The following WDR36 variants were observed in gnomAD, a reference collection of about 807,000 sequenced individuals.
The protein encoded by WDR36 is WD repeat domain 36, also known as WD repeat-containing protein 36.
In WDR36, 63 loss-of-function variants were observed where a neutral mutation model predicts 112.7. That is an observed-to-expected ratio of 0.56 (90% CI 0.46 to 0.69). The LOEUF (loss-of-function observed/expected upper bound fraction) is 0.69, where lower values mean the gene tolerates loss of function less well. Among genes scored for constraint, WDR36 ranks in the 30% least tolerant of loss-of-function variants. WDR36 has a pLI of 0.00. For synonymous variants in WDR36, 410 were observed against 362.2 expected (o/e 1.13, Z -1.50); for missense variants, 1,226 against 1,070.3 (o/e 1.15, Z -2.03).
intron 21 of WDR36, 54 bp downstream of exon 21, chr5:111,124,243 T>C: frequency 7.1e-7 from 1 of 1,403,656 alleles, no homozygotes; most frequent in Non-Finnish European, 9.9e-7. Context: ...TTTTACTGTA[T>C]ATGAGGAGAA....
At chr5:111,125,184 A>T (rs558617212) in intron 21 of WDR36, among the ~76,000 whole-genome samples, 2 of 152,308 alleles carry the variant, frequency 1.3e-5, no homozygotes, top group East Asian at 3.9e-4. Flanking sequence ...TTATAACTTT[A>T]TAACAATAGA....
chr5:111,124,257 G>A, intron 21 of WDR36, 68 bp downstream of exon 21: 3 of 1,324,644 alleles, frequency 2.3e-6, no homozygotes, highest in Non-Finnish European at 3.2e-6. Flanking sequence ...AGGAGAAATT[G>A]AAGGAAATAT....
In WDR36 at chr5:111,110,200, A is replaced by G; in HGVS notation, c.1338A>G (p.Ile446Met). Residue 446 changes from isoleucine to methionine, a missense_variant, in exon 13 of 23, where the codon ATA (isoleucine) becomes ATG (methionine). Transcript: ENST00000513710. ...TTTTTTTCTTAAAGGCAGTGGATAT[A>G]ACTTCTTGTGGAAACTTTGCTGTAA... ...KDDITATAVDITSCGNFAVIG... is the reference protein window; with the variant it reads ...KDDITATAVDMTSCGNFAVIG... 1 of 1,610,256 alleles carries G rather than the reference A, an allele frequency of 6.2e-7. No individual in the cohort carries two copies. The highest frequency in any genetic ancestry group is 8.5e-7 in the Non-Finnish European group (1 of 1,177,086).
intron 12 of WDR36, among the ~76,000 whole-genome samples, chr5:111,108,810 A>G (rs946553777): frequency 6.6e-6 from 1 of 151,308 alleles, no homozygotes; most frequent in African/African-American, 2.4e-5. Flanking sequence ...AACCTAAGAC[A>G]ATTCATTCTA....
Position 111,094,920 on chromosome 5 carries a change from G to A in WDR36, c.163G>A (p.Val55Ile). The change falls in exon 2 of 23, where the codon GTT (valine) becomes ATT (isoleucine). Residue 55 changes from valine (V) to isoleucine (I), a missense_variant and splice_region_variant. Val to Ile is a conservative substitution (Grantham distance 29, BLOSUM62 3). Coordinates refer to ENST00000513710, the MANE Select transcript of WDR36 (RefSeq NM_139281.3). ...TTAACCTTTTTTCTTTTTTAAACAG[G>A]TTCAGAAACTTAGTCTGGTTGCAGT... ...CVGKSFHTYD[V>I]QKLSLVAVSN... 6 of 1,604,048 alleles carry A rather than the reference G, an allele frequency of 3.7e-6. No homozygotes were observed. Among genetic ancestry groups the A allele is most frequent in the Non-Finnish European group, 5.1e-6 (6 of 1,173,756 alleles).
At chr5:111,109,557 T>A (rs1753286110) in intron 12 of WDR36, among the ~76,000 whole-genome samples, 1 of 151,330 alleles carries the variant, frequency 6.6e-6, no homozygotes, top group Non-Finnish European at 1.5e-5. Context: ...ACATTGGCAA[T>A]CAGTTATTTC....
intron 8 of WDR36, 21 bp downstream of exon 8, chr5:111,104,373 A>T (rs1230287904): frequency 6.2e-7 from 1 of 1,611,474 alleles, no homozygotes; most frequent in East Asian, 2.2e-5. Context: ...TATTGTTAAC[A>T]TCTTCCTGGC....
Position 111,121,066 on chromosome 5 carries a change from G to A in WDR36, c.2073G>A (p.Leu691=), listed in dbSNP as rs372400599. The part of the protein sequence containing the change: ...ELIEYDSPEQ[L]NEQLVTLSLL... Reference sequence around the variant, plus strand: ...TAGAATATGATTCGCCAGAACAGTTGAATGAGCAATTGGTGACTCTTTCAC... The same window carrying A: ...TAGAATATGATTCGCCAGAACAGTTAAATGAGCAATTGGTGACTCTTTCAC... Residue 691 remains leucine (L), a synonymous_variant, in exon 19 of 23, where the codon TTG becomes TTA. Coordinates refer to ENST00000513710, the MANE Select transcript of WDR36 (RefSeq NM_139281.3). 1.4e-5 allele frequency: 23 copies of A among 1,613,490 alleles called. No individual in the cohort carries two copies. Among genetic ancestry groups the A allele is most frequent in the Non-Finnish European group, 1.9e-5 (22 of 1,179,674 alleles).
intron 21 of WDR36, among the ~76,000 whole-genome samples, chr5:111,124,575 G>C (rs1025022762): frequency 6.6e-6 from 1 of 151,944 alleles, no homozygotes; most frequent in Non-Finnish European, 1.5e-5. Context: ...GTAATTCAGC[G>C]GACTGCTTAG....
chr5:111,094,172 C>G (rs1003061154), intron 1 of WDR36, among the ~76,000 whole-genome samples: 3 of 152,170 alleles, frequency 2.0e-5, no homozygotes, highest in African/African-American at 7.2e-5. Flanking sequence ...GGAAACTAGA[C>G]AAGTTGTGAA....
chr5:111,111,460 C>T (rs372259727), intron 15 of WDR36, 182 bp downstream of exon 15: 6 of 560,240 alleles, frequency 1.1e-5, no homozygotes, highest in South Asian at 8.0e-5. Flanking sequence ...GGAGTTGATG[C>T]GATCAAATTA....
In WDR36 at chr5:111,092,572, G is replaced by T. The variant is rs773087349; in HGVS notation, c.116G>T (p.Arg39Leu). ...HVVRFSALKR[R>L]FYVTTCVGKS... Reference sequence around the variant, plus strand: ...GTGCGGTTCAGCGCGCTCAAGCGCCGGTTCTATGTAACAACCTGCGTGGGC... The same window carrying T: ...GTGCGGTTCAGCGCGCTCAAGCGCCTGTTCTATGTAACAACCTGCGTGGGC... Residue 39 changes from arginine (R) to leucine (L), a missense_variant, in exon 1 of 23, where the codon CGG (arginine) becomes CTG (leucine). Coordinates refer to ENST00000513710, the MANE Select transcript of WDR36 (RefSeq NM_139281.3). 6.2e-7 allele frequency: 1 copy of T among 1,614,136 alleles called. No individual in the cohort carries two copies. The highest frequency in any genetic ancestry group is 1.7e-5 in the Admixed American group (1 of 60,026).
chr5:111,118,065 G>A (rs538445170), intron 16 of WDR36, among the ~76,000 whole-genome samples: 1 of 152,262 alleles, frequency 6.6e-6, no homozygotes, highest in African/African-American at 2.4e-5. Context: ...TTTTATGGAA[G>A]TGAAGATTAT....
intron 16 of WDR36, among the ~76,000 whole-genome samples, chr5:111,113,801 C>T (rs971042621): frequency 2.0e-5 from 3 of 152,008 alleles, no homozygotes; most frequent in African/African-American, 4.8e-5. Context: ...GGGGACTGAG[C>T]GTGATAATGT....
Position 111,111,042 on chromosome 5 carries a change from C to G in WDR36, c.1607+89C>G, listed in dbSNP as rs13161853. 6 of 1,559,608 alleles carry G rather than the reference C, an allele frequency of 3.8e-6. No individual in the cohort carries two copies. In the African/African-American group the frequency reaches 4.1e-5, roughly 11 times the overall value. On this transcript the variant is annotated intron_variant, in intron 14 of 22. Coordinates refer to ENST00000513710, the MANE Select transcript of WDR36 (RefSeq NM_139281.3). ...TTTACCAAGTGGGAAAAATCAGACT[C>G]TTTAATAAAGAACAACATTTGGCTT...
intron 16 of WDR36, among the ~76,000 whole-genome samples, chr5:111,116,248 C>T (rs1256071712): frequency 6.6e-6 from 1 of 151,974 alleles, no homozygotes; most frequent in Non-Finnish European, 1.5e-5. Context: ...GGTGCCCAGC[C>T]AGATTGAGTT....
chr5:111,102,585 C>CAATA (rs1477807864), intron 6 of WDR36, among the ~76,000 whole-genome samples, 186 bp downstream of exon 6: 1 of 151,668 alleles, frequency 6.6e-6, no homozygotes, highest in African/African-American at 2.4e-5. Context: ...ATGCCTTTGC[C>CAATA]AATAACACTT....
chr5:111,113,420 C>T (rs1169181583), intron 16 of WDR36, among the ~76,000 whole-genome samples: 1 of 132,842 alleles, frequency 7.5e-6, no homozygotes, highest in Non-Finnish European at 1.6e-5. Flanking sequence ...GATGCCTAAA[C>T]CTTAAGAAAG....
intron 16 of WDR36, among the ~76,000 whole-genome samples, chr5:111,116,781 C>CA (rs1753465050): frequency 6.6e-6 from 1 of 152,154 alleles, no homozygotes; most frequent in East Asian, 1.9e-4. Flanking sequence ...TCTACCCACA[C>CA]ACCACAGCTG....
Sources: gnomAD v4.1 joint callset for allele counts (sites outside exome capture counted in the v4.1 genomes callset) on GRCh38, gnomAD v4.1.1 for gene constraint, MANE v1.5 for transcripts, NCBI Gene and HGNC (gene_info 2026-07-23, HGNC 2026-07-21) for gene names.